ANXA5: variants seen among roughly 807,000 people sequenced by gnomAD.
ANXA5 encodes annexin A5.
In ANXA5, 40 loss-of-function variants were observed where a neutral mutation model predicts 48.1. The observed-to-expected ratio is 0.83, with a 90% CI of 0.65 to 1.08. The LOEUF (loss-of-function observed/expected upper bound fraction) is 1.08, where lower values mean the gene tolerates loss of function less well. Ranked by LOEUF, ANXA5 falls within the 50% of genes least tolerant of loss-of-function variation. The probability of loss-of-function intolerance (pLI) is 0.00; values close to 1 mark genes in which losing one functional copy is unlikely to be tolerated. For missense variants in ANXA5, 357 were observed against 376.8 expected, an observed-to-expected ratio of 0.95 and a Z score of 0.44; for synonymous variants, 113 against 129.1, an observed-to-expected ratio of 0.88 and a Z score of 0.85.
At chr4:121,686,764 T>A (rs556833776) in intron 2 of ANXA5, among the ~76,000 whole-genome samples, 1 of 152,310 alleles carries the variant, frequency 6.6e-6, no homozygotes, top group Non-Finnish European at 1.5e-5. Context: ...AGTACTCAAT[T>A]TTAAGCAGTG....
At chr4:121,676,682 G>A (rs977665384) in intron 8 of ANXA5, among the ~76,000 whole-genome samples, 37 of 146,482 alleles carry the variant, frequency 2.5e-4, no homozygotes, top group African/African-American at 8.9e-4. Flanking sequence ...CCTGGGGGCG[G>A]GGGGGGGTAT....
At chr4:121,687,252 A>G (rs984194933) in intron 2 of ANXA5, among the ~76,000 whole-genome samples, 1 of 150,772 alleles carries the variant, frequency 6.6e-6, no homozygotes, top group African/African-American at 2.4e-5. Context: ...GTGAGCCAAG[A>G]TCGCGCCACT....
chr4:121,673,170 G>A (rs989151215), intron 8 of ANXA5, among the ~76,000 whole-genome samples: 1 of 152,172 alleles, frequency 6.6e-6, no homozygotes. Context: ...AAGATTGTGG[G>A]TATAGCACAG....
chr4:121,683,662 A>C (rs1724830006), intron 4 of ANXA5, among the ~76,000 whole-genome samples, 185 bp from the exon 5 acceptor site: 1 of 152,178 alleles, frequency 6.6e-6, no homozygotes, highest in Non-Finnish European at 1.5e-5. Flanking sequence ...CCAAAATCTT[A>C]AACTAAAGCA....
intron 7 of ANXA5, 49 bp from the exon 8 acceptor site, chr4:121,677,999 C>G: frequency 6.7e-7 from 1 of 1,483,472 alleles, no homozygotes; most frequent in Non-Finnish European, 9.3e-7. Context: ...CATTCTCATT[C>G]AAAAGGAAAA....
intron 6 of ANXA5, among the ~76,000 whole-genome samples, chr4:121,680,037 A>C (rs561766581): frequency 1.3e-5 from 2 of 152,296 alleles, no homozygotes; most frequent in South Asian, 4.1e-4. Flanking sequence ...ATATTTCACC[A>C]GTCCCTTCTC....
chr4:121,670,111 C>A, intron 10 of ANXA5, 99 bp from the exon 11 acceptor site: 1 of 811,750 alleles, frequency 1.2e-6, no homozygotes, highest in Non-Finnish European at 1.9e-6. Context: ...AGCTCTACTT[C>A]TATAAAAACA....
chr4:121,669,474 A>G, intron 12 of ANXA5, 128 bp downstream of exon 12: 1 of 1,145,064 alleles, frequency 8.7e-7, no homozygotes, highest in Non-Finnish European at 1.2e-6. Context: ...TTTTTAACTC[A>G]TTGCTCTAAT....
At chr4:121,671,111 C>T (rs1039211382) in intron 10 of ANXA5, among the ~76,000 whole-genome samples, 3 of 152,198 alleles carry the variant, frequency 2.0e-5, no homozygotes, top group Non-Finnish European at 4.4e-5. Flanking sequence ...ACCATCATCA[C>T]ATCTTCTATT....
At chr4:121,669,486 G>C in intron 12 of ANXA5, 116 bp downstream of exon 12, 1 of 1,261,900 alleles carries the variant, frequency 7.9e-7, no homozygotes, top group Non-Finnish European at 1.1e-6. Flanking sequence ...TGCTCTAATC[G>C]TGTCACTAAA....
chr4:121,682,450 C>G (rs1188540953), intron 5 of ANXA5, among the ~76,000 whole-genome samples: 1 of 151,990 alleles, frequency 6.6e-6, no homozygotes, highest in Non-Finnish European at 1.5e-5. Flanking sequence ...TATATTGAAG[C>G]CTTATTTTCT....
In ANXA5 at chr4:121,696,568, C is replaced by T. The variant is rs577849357; in HGVS notation, c.9+13G>A. 4 of 1,400,712 alleles carry T rather than the reference C, an allele frequency of 2.9e-6. No individual in the cohort carries two copies. In the South Asian group the frequency reaches 7.4e-5, roughly 26 times the overall value. The allele number at this position is 1,400,712 out of a possible 1,614,324, so 86.8% of individuals were successfully genotyped here. A position where few individuals can be genotyped will look rare whatever the true frequency, so the allele number is the denominator to read the frequency against. On this transcript the variant is annotated intron_variant, in intron 2 of 12. Coordinates refer to ENST00000296511, the MANE Select transcript of ANXA5 (RefSeq NM_001154.4). ...TGGGTAAATCCAGCGCAGTGGGGGG[C>T]GCACGGCCTTACCTGTGCCATGGCG... is the stretch of plus-strand genomic sequence containing the variant.
intron 2 of ANXA5, 45 bp downstream of exon 2, chr4:121,696,536 A>G (rs1392197580): frequency 7.4e-7 from 1 of 1,348,056 alleles, no homozygotes; most frequent in East Asian, 2.7e-5. Flanking sequence ...CGCAGCATAC[A>G]AAGTTGTGGG....
intron 2 of ANXA5, among the ~76,000 whole-genome samples, chr4:121,691,763 T>G (rs1179191559): frequency 6.6e-6 from 1 of 152,214 alleles, no homozygotes; most frequent in Non-Finnish European, 1.5e-5. Flanking sequence ...CTTATGTACG[T>G]ATTAGAGGCC....
intron 8 of ANXA5, among the ~76,000 whole-genome samples, chr4:121,674,742 C>T (rs1724670256): frequency 6.6e-6 from 1 of 152,140 alleles, no homozygotes; most frequent in Non-Finnish European, 1.5e-5. Context: ...TGATATTTAA[C>T]AGTTTTGTTT....
intron 4 of ANXA5, among the ~76,000 whole-genome samples, chr4:121,684,236 A>T (rs1418094904): frequency 6.6e-6 from 1 of 152,124 alleles, no homozygotes; most frequent in East Asian, 1.9e-4. Flanking sequence ...AATTTTTTTG[A>T]ATTATTAATC....
Position 121,669,681 on chromosome 4 carries a change from G to T in ANXA5, c.824C>A (p.Ser275Tyr). ...GTTAAACAGATCAATCTCACTCCTG[G>T]AAACCATGACTCTGATGAGGGTATG... ...DDHTLIRVMV[S>Y]RSEIDLFNIR... The change falls in exon 12 of 13, where the codon TCC becomes TAC. Residue 275 changes from serine to tyrosine, a missense_variant. By Grantham distance (144) the Ser-to-Tyr change is moderately radical. Coordinates refer to ENST00000296511, the MANE Select transcript of ANXA5 (RefSeq NM_001154.4). The T allele has an allele frequency of 6.2e-7, 1 of 1,611,618 alleles. No homozygotes were observed. The highest frequency in any genetic ancestry group is 1.1e-5 in the South Asian group (1 of 90,984).
Position 121,668,408 on chromosome 4 carries a change from G to A in ANXA5, c.*60C>T. The A allele has an allele frequency of 6.8e-7, 1 of 1,476,152 alleles. No homozygotes were observed. The highest frequency in any genetic ancestry group is 9.5e-7 in the Non-Finnish European group (1 of 1,055,070). 91.4% of individuals were successfully genotyped at this position (1,476,152 alleles called of 1,614,324 possible). ...CTGGCATACAAATGCAGCTAAAGGT[G>A]CTGAAGGAAGGCAGTGGGGTGGTGC... On this transcript the variant is annotated 3_prime_UTR_variant, in exon 13 of 13. Coordinates refer to ENST00000296511, the MANE Select transcript of ANXA5 (RefSeq NM_001154.4).
chr4:121,679,329 C>T (rs1350027739), intron 6 of ANXA5, among the ~76,000 whole-genome samples: 1 of 152,090 alleles, frequency 6.6e-6, no homozygotes, highest in Non-Finnish European at 1.5e-5. Flanking sequence ...TCTCCTGTCC[C>T]TGATTTATCC....
Sources: allele counts gnomAD v4.1 joint callset (sites outside exome capture counted in the v4.1 genomes callset), GRCh38; gene constraint gnomAD v4.1.1; transcripts MANE v1.5; gene names NCBI Gene and HGNC (gene_info 2026-07-23, HGNC 2026-07-21).